GPAT3: variants seen among roughly 807,000 people sequenced by gnomAD.
The protein encoded by GPAT3 is glycerol-3-phosphate acyltransferase 3.
A neutral mutation model predicts 58.8 loss-of-function variants in GPAT3; 53 were observed. That is an observed-to-expected ratio of 0.90 (90% CI 0.72 to 1.13). The LOEUF is 1.13. Ranked by LOEUF, GPAT3 falls within the 50% of genes most tolerant of loss-of-function variation. The pLI is 0.00. For missense variants in GPAT3, 511 were observed against 527.6 expected (o/e 0.97, Z 0.31); for synonymous variants, 197 against 187.4 (o/e 1.05, Z -0.42).
chr4:83,559,735 C>T (rs1725063365), intron 2 of GPAT3, among the ~76,000 whole-genome samples: 1 of 152,098 alleles, frequency 6.6e-6, no homozygotes, highest in Admixed American at 6.6e-5. Flanking sequence ...ATGGAATTTC[C>T]CATTTTTCTC....
chr4:83,559,742 T>C (rs1005373081), intron 2 of GPAT3, among the ~76,000 whole-genome samples: 1 of 152,204 alleles, frequency 6.6e-6, no homozygotes, highest in African/African-American at 2.4e-5. Flanking sequence ...TTCCCATTTT[T>C]CTCTGTCCTC....
intron 2 of GPAT3, among the ~76,000 whole-genome samples, chr4:83,562,187 A>ATATATATAATATATATATAT (rs1725157274): frequency 2.6e-4 from 14 of 52,892 alleles, no homozygotes; most frequent in African/African-American, 1.4e-3. Flanking sequence ...TATTATATAT[A>ATATATATAATATATATATAT]TATATATATA....
intron 2 of GPAT3, among the ~76,000 whole-genome samples, chr4:83,546,737 C>T (rs1255899582): frequency 6.6e-6 from 1 of 152,118 alleles, no homozygotes; most frequent in Non-Finnish European, 1.5e-5. Context: ...GGGAGATAGG[C>T]ATTGGACAGA....
chr4:83,548,400 G>A (rs963028964), intron 2 of GPAT3, among the ~76,000 whole-genome samples: 2 of 152,180 alleles, frequency 1.3e-5, no homozygotes, highest in Non-Finnish European at 2.9e-5. Flanking sequence ...TGTTAGGTTG[G>A]AGTTTGAATC....
chr4:83,547,033 AC>A (rs1355943428), intron 2 of GPAT3, among the ~76,000 whole-genome samples: 2 of 151,968 alleles, frequency 1.3e-5, no homozygotes, highest in African/African-American at 4.8e-5. Flanking sequence ...AACATTGAGT[AC>A]TTGTGTGCTT....
intron 3 of GPAT3, among the ~76,000 whole-genome samples, chr4:83,582,307 C>A (rs764467232): frequency 2.6e-5 from 4 of 152,194 alleles, no homozygotes; most frequent in African/African-American, 9.7e-5. Context: ...AGAGCCATTT[C>A]GAAGTGTGTT....
chr4:83,563,824 T>C (rs1725279766), intron 2 of GPAT3, among the ~76,000 whole-genome samples: 1 of 152,158 alleles, frequency 6.6e-6, no homozygotes, highest in Admixed American at 6.5e-5. Context: ...AAACATGATG[T>C]CCTATAAACA....
chr4:83,540,495 A>G (rs1258356806), intron 1 of GPAT3, among the ~76,000 whole-genome samples: 1 of 152,136 alleles, frequency 6.6e-6, no homozygotes. Context: ...TGGCATGGTA[A>G]AAGAGAAATA....
rs543976823 is a variant in GPAT3, at chr4:83,543,640, TTTTTTTTG to T, written c.142-879_142-872del. Among the ~76,000 whole-genome samples, 283 of 151,916 alleles carry T rather than the reference TTTTTTTTG, an allele frequency of 1.9e-3. 1 individual carries two copies. The highest frequency in any genetic ancestry group is 6.3e-3 in the African/African-American group (262 of 41,452). ...TAGTTCATGATTTCTTTTTCATTCTTTTTTTTTGTTTTTTTGTTTTTTTGAGAGAGTCT... is the reference window on the plus strand; with the variant it reads ...TAGTTCATGATTTCTTTTTCATTCTTTTTTTTTGTTTTTTTGAGAGAGTCT... On this transcript the variant is annotated intron_variant, in intron 1 of 11. Transcript: ENST00000264409.
At chr4:83,602,222 A>G (rs1578203523) in intron 11 of GPAT3, among the ~76,000 whole-genome samples, 1 of 152,178 alleles carries the variant, frequency 6.6e-6, no homozygotes, top group Admixed American at 6.5e-5. Flanking sequence ...AGTCTCAGAC[A>G]CAGGAAGGGA....
chr4:83,562,201 T>A (rs866303087), intron 2 of GPAT3, among the ~76,000 whole-genome samples: 6 of 34,398 alleles, frequency 1.7e-4, no homozygotes, highest in East Asian at 1.3e-3. Context: ...ATATATATAA[T>A]ATATATATAT....
rs557046754 is a variant in GPAT3 at position 83,542,383 on chromosome 4, A to G, written c.142-2153A>G. On this transcript the variant is annotated intron_variant, in intron 1 of 11. Coordinates refer to ENST00000264409, the MANE Select transcript of GPAT3 (RefSeq NM_032717.5). ...TTGAGAACTCCTGCACTAAATCCGCAAAAGATAACAGGATGCAATCAGATT... is the reference window on the plus strand; with the variant it reads ...TTGAGAACTCCTGCACTAAATCCGCGAAAGATAACAGGATGCAATCAGATT... 2.6e-3 allele frequency among the ~76,000 whole-genome samples: 390 copies of G among 152,372 alleles called. 1 individual carries two copies. The highest frequency in any genetic ancestry group is 4.5e-3 in the Non-Finnish European group (305 of 68,040).
intron 2 of GPAT3, among the ~76,000 whole-genome samples, chr4:83,562,186 T>TATATATATATA: frequency 2.0e-5 from 1 of 49,344 alleles, no homozygotes; most frequent in African/African-American, 1.2e-4. Context: ...ATATTATATA[T>TATATATATATA]ATATATATAT....
intron 2 of GPAT3, among the ~76,000 whole-genome samples, chr4:83,563,067 G>A (rs148235880): frequency 6.6e-6 from 1 of 152,210 alleles, no homozygotes; most frequent in Non-Finnish European, 1.5e-5. Flanking sequence ...GAATGAAAGG[G>A]TAACATTAGT....
chr4:83,598,308 T>C, intron 10 of GPAT3, 129 bp downstream of exon 10: 1 of 1,218,672 alleles, frequency 8.2e-7, no homozygotes, highest in Non-Finnish European at 1.1e-6. Context: ...TTTTTAATGA[T>C]GTATTTAGCT....
intron 2 of GPAT3, among the ~76,000 whole-genome samples, chr4:83,552,120 A>G (rs1364121580): frequency 6.6e-6 from 1 of 152,224 alleles, no homozygotes; most frequent in Non-Finnish European, 1.5e-5. Flanking sequence ...TATGGAACAA[A>G]GGAGTTTTTA....
chr4:83,579,148 T>TCC (rs1224491779), intron 2 of GPAT3, among the ~76,000 whole-genome samples: 20 of 92,104 alleles, frequency 2.2e-4, no homozygotes, highest in African/African-American at 5.9e-4. Flanking sequence ...CCTCCCTCCC[T>TCC]CTCTCTCTTT....
chr4:83,602,782 C>T (rs763199837), intron 11 of GPAT3, among the ~76,000 whole-genome samples: 43 of 152,166 alleles, frequency 2.8e-4, no homozygotes, highest in Non-Finnish European at 2.1e-4. Context: ...TCTTTAGTTT[C>T]CTTAGTTCTC....
chr4:83,578,947 CTTTTCTTTCTTTCTT>C (rs1259295175), intron 2 of GPAT3, among the ~76,000 whole-genome samples: 1 of 25,724 alleles, frequency 3.9e-5, no homozygotes, highest in Admixed American at 5.9e-4. Flanking sequence ...CTTTTCTTTT[CTTTTCTTTCTTTCTT>C]TCTTTCTTTC....
Sources: allele counts gnomAD v4.1 joint callset (sites outside exome capture counted in the v4.1 genomes callset), GRCh38; gene constraint gnomAD v4.1.1; transcripts MANE v1.5; gene names NCBI Gene and HGNC (gene_info 2026-07-23, HGNC 2026-07-21).